ADAMTS19: variants seen among roughly 807,000 people sequenced by gnomAD.
ADAMTS19 encodes the protein ADAM metallopeptidase with thrombospondin type 1 motif 19, also known as A disintegrin and metalloproteinase with thrombospondin motifs 19.
ADAMTS19 carries 93 observed loss-of-function variants against 153.3 expected under a neutral mutation model. The ratio of observed to expected loss-of-function variants is 0.61; its 90% CI spans 0.51 to 0.72. The LOEUF is 0.72. Ranked by LOEUF, ADAMTS19 falls within the 30% of genes least tolerant of loss-of-function variation. ADAMTS19 has a pLI of 0.00. For synonymous variants in ADAMTS19, 600 were observed against 556.6 expected, an observed-to-expected ratio of 1.08 and a Z score of -1.10; for missense variants, 1,482 against 1,552.1, an observed-to-expected ratio of 0.95 and a Z score of 0.76.
rs111569969 is a variant in ADAMTS19, at chr5:129,623,965, A to T, written c.1770+1617A>T. Among the ~76,000 whole-genome samples, 412 of 139,640 alleles carry T rather than the reference A, an allele frequency of 3.0e-3. 1 individual carries two copies. The highest frequency in any genetic ancestry group is 0.011 in the African/African-American group (384 of 36,566). 91.6% of individuals were successfully genotyped at this position (139,640 alleles called of 152,430 possible). On this transcript the variant is annotated intron_variant, in intron 10 of 22. Coordinates refer to ENST00000274487, the MANE Select transcript of ADAMTS19 (RefSeq NM_133638.6). ...GAAACCCCATCTCTCCTAAAAATAT[A>T]AAAAAAAAAAAATTAGCTGGGCATG... is the stretch of plus-strand genomic sequence containing the variant.
intron 2 of ADAMTS19, among the ~76,000 whole-genome samples, chr5:129,480,073 TC>T (rs1396648275): frequency 6.6e-6 from 1 of 152,100 alleles, no homozygotes; most frequent in Non-Finnish European, 1.5e-5. Flanking sequence ...AGCTTTAAAA[TC>T]CAAATAATCT....
intron 7 of ADAMTS19, among the ~76,000 whole-genome samples, chr5:129,563,963 A>T (rs1339697858): frequency 6.6e-6 from 1 of 151,968 alleles, no homozygotes; most frequent in Non-Finnish European, 1.5e-5. Flanking sequence ...TTTGTCACCG[A>T]GGCTGGAGTG....
Position 129,702,941 on chromosome 5 carries a change from A to AAAAAAAAAT in ADAMTS19, c.3160-1297_3160-1296insAAAAAAATA. Among the ~76,000 whole-genome samples the AAAAAAAAAT allele has an allele frequency of 7.4e-3, 215 of 29,214 alleles. 4 individuals are homozygous for AAAAAAAAAT. Among genetic ancestry groups the AAAAAAAAAT allele is most frequent in the African/African-American group, 0.018 (204 of 11,642 alleles). 19.2% of individuals were successfully genotyped at this position (29,214 alleles called of 152,430 possible). ...TAGTTTGACTTGCCAAAAAAAAAAA[A>AAAAAAAAAT]ATATATATATATATATATATATATA... On this transcript the variant is annotated intron_variant, in intron 20 of 22. Coordinates refer to ENST00000274487, the MANE Select transcript of ADAMTS19 (RefSeq NM_133638.6).
intron 4 of ADAMTS19, among the ~76,000 whole-genome samples, chr5:129,526,764 G>C (rs915685341): frequency 6.6e-6 from 1 of 151,294 alleles, no homozygotes; most frequent in Non-Finnish European, 1.5e-5. Flanking sequence ...CCCATTTTAT[G>C]TATGTATTTA....
At chr5:129,504,424 C>T (rs1447643022) in intron 2 of ADAMTS19, among the ~76,000 whole-genome samples, 2 of 152,072 alleles carry the variant, frequency 1.3e-5, no homozygotes, top group African/African-American at 2.4e-5. Context: ...TTTTGGTGTG[C>T]AAAATGTTTT....
chr5:129,464,347 C>T (rs1749786578), intron 2 of ADAMTS19, among the ~76,000 whole-genome samples: 1 of 152,118 alleles, frequency 6.6e-6, no homozygotes, highest in South Asian at 2.1e-4. Flanking sequence ...ATTATGATGC[C>T]TTTATATAGA....
intron 7 of ADAMTS19, among the ~76,000 whole-genome samples, chr5:129,576,137 T>A (rs1381742652): frequency 6.6e-6 from 1 of 151,900 alleles, no homozygotes; most frequent in African/African-American, 2.4e-5. Flanking sequence ...ACAAACCCTA[T>A]TTTGGAATGT....
At chr5:129,631,125 G>A (rs886945792) in intron 10 of ADAMTS19, among the ~76,000 whole-genome samples, 1 of 149,464 alleles carries the variant, frequency 6.7e-6, no homozygotes, top group East Asian at 2.0e-4. Context: ...TACCACTATT[G>A]GGAATATAGT....
intron 6 of ADAMTS19, among the ~76,000 whole-genome samples, chr5:129,540,566 T>C (rs1470674455): frequency 2.0e-5 from 3 of 152,060 alleles, no homozygotes; most frequent in Admixed American, 1.3e-4. Context: ...TTGGTTTACG[T>C]ATAATACATG....
chr5:129,534,888 A>C (rs1752356744), intron 6 of ADAMTS19, among the ~76,000 whole-genome samples: 2 of 152,078 alleles, frequency 1.3e-5, no homozygotes, highest in African/African-American at 4.8e-5. Context: ...CATGCTAAAA[A>C]CTCTTAATAA....
At chr5:129,580,874 G>C (rs1293428467) in intron 7 of ADAMTS19, among the ~76,000 whole-genome samples, 1 of 152,138 alleles carries the variant, frequency 6.6e-6, no homozygotes, top group Non-Finnish European at 1.5e-5. Flanking sequence ...TGTTCGTCAG[G>C]GATATTGGCC....
chr5:129,536,906 T>C (rs1278690354), intron 6 of ADAMTS19, among the ~76,000 whole-genome samples: 5 of 145,808 alleles, frequency 3.4e-5, no homozygotes, highest in African/African-American at 1.3e-4. Flanking sequence ...CTGGGGACTG[T>C]TGTGGGGTGG....
intron 2 of ADAMTS19, among the ~76,000 whole-genome samples, chr5:129,505,124 C>T (rs1751230393): frequency 6.6e-6 from 1 of 152,058 alleles, no homozygotes. Context: ...AATGAATTCT[C>T]AATACGTATT....
At chr5:129,584,896 G>A (rs1190747751) in intron 7 of ADAMTS19, among the ~76,000 whole-genome samples, 1 of 152,152 alleles carries the variant, frequency 6.6e-6, no homozygotes, top group Non-Finnish European at 1.5e-5. Context: ...CCCCTTTCCA[G>A]GGAGTGATTC....
At chr5:129,612,636 A>G (rs1421557288) in intron 8 of ADAMTS19, among the ~76,000 whole-genome samples, 2 of 152,142 alleles carry the variant, frequency 1.3e-5, no homozygotes, top group African/African-American at 4.8e-5. Context: ...TCAACTAAAG[A>G]GCAAAATAAC....
intron 8 of ADAMTS19, among the ~76,000 whole-genome samples, chr5:129,609,729 G>C (rs1408434161): frequency 1.3e-5 from 2 of 152,162 alleles, no homozygotes; most frequent in Non-Finnish European, 2.9e-5. Context: ...TGTAGGTTTG[G>C]ATGTTGGAGT....
intron 21 of ADAMTS19, among the ~76,000 whole-genome samples, chr5:129,729,728 G>A (rs971088369): frequency 6.6e-6 from 1 of 151,886 alleles, no homozygotes; most frequent in Non-Finnish European, 1.5e-5. Context: ...GTGCTATTCA[G>A]CCATTATCTG....
rs375989575 is a variant in ADAMTS19, at chr5:129,473,980, A to G, written c.747+12223A>G. Among the ~76,000 whole-genome samples the G allele has an allele frequency of 6.6e-5, 10 of 152,226 alleles. No homozygotes were observed. The East Asian group carries it at 1.2e-3, about 18-fold the overall frequency. On this transcript the variant is annotated intron_variant, in intron 2 of 22. Transcript: ENST00000274487. ...CATAAAATTCAGTGTTTTTTAGTTC[A>G]TTTACAGAATTGTGCAACCATCACA...
intron 7 of ADAMTS19, among the ~76,000 whole-genome samples, chr5:129,568,057 A>G (rs1032189941): frequency 6.6e-6 from 1 of 152,188 alleles, no homozygotes; most frequent in African/African-American, 2.4e-5. Flanking sequence ...TCAGACATAA[A>G]GGTAAAATAA....
Sources: gnomAD v4.1 joint callset for allele counts (sites outside exome capture counted in the v4.1 genomes callset) on GRCh38, gnomAD v4.1.1 for gene constraint, MANE v1.5 for transcripts, NCBI Gene and HGNC (gene_info 2026-07-23, HGNC 2026-07-21) for gene names.